CFAP54: variants seen among roughly 807,000 people sequenced by gnomAD.
The protein encoded by CFAP54 is cilia and flagella associated protein 54, also known as cilia- and flagella-associated protein 54.
In CFAP54, 290 loss-of-function variants were observed where a neutral mutation model predicts 370.4. That is an observed-to-expected ratio of 0.78 (90% CI 0.71 to 0.86). CFAP54 has a LOEUF of 0.86. Among genes scored for constraint, CFAP54 ranks in the 40% least tolerant of loss-of-function variants. The probability of loss-of-function intolerance (pLI) is 0.00; values close to 1 mark genes in which losing one functional copy is unlikely to be tolerated. For synonymous variants in CFAP54, 1,206 were observed against 1,236.5 expected (o/e 0.98, Z 0.52); for missense variants, 3,399 against 3,528.7 (o/e 0.96, Z 0.93).
chr12:96,638,235 GTGTGTGTATA>G (rs1565923484), intron 32 of CFAP54, among the ~76,000 whole-genome samples: 12 of 93,580 alleles, frequency 1.3e-4, no homozygotes, highest in South Asian at 5.6e-4. Context: ...GTGTGTGTGT[GTGTGTGTATA>G]TATATATATA....
intron 23 of CFAP54, among the ~76,000 whole-genome samples, chr12:96,590,262 AG>A (rs1956112220): frequency 6.6e-6 from 1 of 152,192 alleles, no homozygotes; most frequent in African/African-American, 2.4e-5. Context: ...TTTTGCTAGA[AG>A]GGGCTCCCAG....
intron 39 of CFAP54, among the ~76,000 whole-genome samples, chr12:96,668,250 T>C (rs952289395): frequency 2.0e-5 from 3 of 152,222 alleles, no homozygotes; most frequent in Non-Finnish European, 4.4e-5. Context: ...AGTTCCATAG[T>C]TGATTTCACA....
intron 43 of CFAP54, among the ~76,000 whole-genome samples, chr12:96,689,936 G>A (rs1957371982): frequency 6.6e-6 from 1 of 152,134 alleles, no homozygotes; most frequent in Non-Finnish European, 1.5e-5. Context: ...CTGAATGGAA[G>A]GCCAGACTTT....
At chr12:96,518,062 T>G (rs1955259500) in intron 5 of CFAP54, among the ~76,000 whole-genome samples, 1 of 152,240 alleles carries the variant, frequency 6.6e-6, no homozygotes, top group African/African-American at 2.4e-5. Flanking sequence ...CGTTGTCACT[T>G]TCTCCATAAC....
chr12:96,598,709 C>T lies in CFAP54; in HGVS notation c.3581C>T (p.Thr1194Ile), dbSNP rs1452364428. The T allele has an allele frequency of 1.5e-6, 1 of 682,788 alleles. No individual in the cohort carries two copies. The highest frequency in any genetic ancestry group is 2.7e-6 in the Non-Finnish European group (1 of 373,816). The allele number at this position is 682,788 out of a possible 1,614,324, so 42.3% of individuals were successfully genotyped here. A position where few individuals can be genotyped will look rare whatever the true frequency, so the allele number is the denominator to read the frequency against. The change falls in exon 26 of 68, where the codon ACT (threonine) becomes ATT (isoleucine). Residue 1194 changes from threonine to isoleucine, a missense_variant. Physicochemically the swap from Thr to Ile is moderately conservative, Grantham distance 89. Coordinates refer to ENST00000524981, the MANE Select transcript of CFAP54 (RefSeq NM_001306084.2). Reference protein sequence around the residue: ...LPSIVCSKKHTASFESIQHMI... With the variant: ...LPSIVCSKKHIASFESIQHMI... Reference sequence around the variant, plus strand: ...AGTATTGTCTGCTCGAAGAAACATACTGCGAGCTTTGAAAGTATACAACAC... The same window carrying T: ...AGTATTGTCTGCTCGAAGAAACATATTGCGAGCTTTGAAAGTATACAACAC...
chr12:96,725,163 T>C (rs572568815), intron 50 of CFAP54, among the ~76,000 whole-genome samples: 1 of 152,206 alleles, frequency 6.6e-6, no homozygotes, highest in East Asian at 1.9e-4. Context: ...ATGCGGGCTC[T>C]TTTTTGGTTC....
rs1956553564 is a variant in CFAP54, at chr12:96,626,798, T to C, written c.3977-15T>C. On this transcript the variant is annotated splice_polypyrimidine_tract_variant and intron_variant, in intron 29 of 67. Transcript: ENST00000524981. ...GTATATTGTTAACTATATATGAACT[T>C]CCTTGTTATTACAGTTATGAAATTT... 2 of 1,301,732 alleles carry C rather than the reference T, an allele frequency of 1.5e-6. No individual in the cohort carries two copies. The highest frequency in any genetic ancestry group is 3.0e-5 in the African/African-American group (2 of 67,770). 80.6% of individuals were successfully genotyped at this position (1,301,732 alleles called of 1,614,324 possible).
chr12:96,678,877 T>C (rs960315557), intron 39 of CFAP54, among the ~76,000 whole-genome samples: 4 of 152,188 alleles, frequency 2.6e-5, no homozygotes, highest in African/African-American at 9.6e-5. Flanking sequence ...TGTTAAGACC[T>C]TAGATTTTAC....
intron 17 of CFAP54, among the ~76,000 whole-genome samples, chr12:96,557,254 T>C (rs760430658): frequency 2.6e-5 from 4 of 152,178 alleles, no homozygotes; most frequent in Non-Finnish European, 5.9e-5. Context: ...AGTGGCAATT[T>C]ACTAACGATT....
At chr12:96,613,730 A>G (rs1330114494) in intron 26 of CFAP54, among the ~76,000 whole-genome samples, 1 of 152,226 alleles carries the variant, frequency 6.6e-6, no homozygotes, top group Non-Finnish European at 1.5e-5. Context: ...AGCAGAGAAT[A>G]CTATAAACAC....
At chr12:96,822,107 A>G (rs1252240384) in intron 65 of CFAP54, among the ~76,000 whole-genome samples, 1 of 152,218 alleles carries the variant, frequency 6.6e-6, no homozygotes, top group Admixed American at 6.5e-5. Context: ...AGGTGTTCCA[A>G]TCACTGTTGG....
intron 47 of CFAP54, among the ~76,000 whole-genome samples, chr12:96,707,320 A>G (rs1431611764): frequency 6.6e-6 from 1 of 152,146 alleles, no homozygotes; most frequent in Non-Finnish European, 1.5e-5. Context: ...AGTTCATGGC[A>G]TGTGACAGCT....
chr12:96,868,647 A>G (rs1405216937), intron 67 of CFAP54, among the ~76,000 whole-genome samples: 3 of 152,206 alleles, frequency 2.0e-5, no homozygotes, highest in Admixed American at 6.5e-5. Flanking sequence ...GCTTATAAGT[A>G]TGCATTCAAA....
At chr12:96,522,035 T>C in intron 7 of CFAP54, 53 bp from the exon 8 acceptor site, 1 of 1,523,778 alleles carries the variant, frequency 6.6e-7, no homozygotes. Context: ...TACTTAGTAG[T>C]TGGGAAGTGC....
chr12:96,704,869 G>C (rs1410681278), intron 47 of CFAP54, 73 bp downstream of exon 47: 1 of 494,070 alleles, frequency 2.0e-6, no homozygotes. Context: ...TAATCTATTT[G>C]GTTGATACAG....
rs546319455 is a variant in CFAP54 at position 96,675,530 on chromosome 12, C to G, written c.5564-4070C>G. On this transcript the variant is annotated intron_variant, in intron 39 of 67. Coordinates refer to ENST00000524981, the MANE Select transcript of CFAP54 (RefSeq NM_001306084.2). ...TCAACCATTGTGGAAGTCAGTGTGGCGATTCCTTAGGGATCTAGAACTAGA... is the reference window on the plus strand; with the variant it reads ...TCAACCATTGTGGAAGTCAGTGTGGGGATTCCTTAGGGATCTAGAACTAGA... Among the ~76,000 whole-genome samples, 715 of 152,222 alleles carry G rather than the reference C, an allele frequency of 4.7e-3. 4 individuals carry two copies. Among genetic ancestry groups the G allele is most frequent in the African/African-American group, 0.016 (678 of 41,534 alleles).
chr12:96,607,681 A>G (rs1199306290), intron 26 of CFAP54, among the ~76,000 whole-genome samples: 1 of 152,216 alleles, frequency 6.6e-6, no homozygotes, highest in African/African-American at 2.4e-5. Context: ...AAGAATACAT[A>G]TGGAAATACA....
At chr12:96,681,009 C>T (rs948235354) in intron 40 of CFAP54, among the ~76,000 whole-genome samples, 2 of 151,732 alleles carry the variant, frequency 1.3e-5, no homozygotes, top group African/African-American at 2.4e-5. Context: ...CTTGAACCGG[C>T]GGGGCAGAGG....
chr12:96,700,152 A>C, intron 46 of CFAP54, 59 bp downstream of exon 46: 1 of 1,511,330 alleles, frequency 6.6e-7, no homozygotes, highest in East Asian at 2.3e-5. Context: ...CATTCCTAAA[A>C]TGTAAGGAAC....
Sources: gnomAD v4.1 joint callset for allele counts (sites outside exome capture counted in the v4.1 genomes callset) on GRCh38, gnomAD v4.1.1 for gene constraint, MANE v1.5 for transcripts, NCBI Gene and HGNC (gene_info 2026-07-23, HGNC 2026-07-21) for gene names.